HEATR5B: variants seen among roughly 807,000 people sequenced by gnomAD.
The protein encoded by HEATR5B is HEAT repeat containing 5B, also known as HEAT repeat-containing protein 5B.
Under a neutral mutation model 224.1 loss-of-function variants are expected in HEATR5B, and 156 were observed. The ratio of observed to expected loss-of-function variants is 0.70; its 90% CI spans 0.61 to 0.80. The LOEUF is 0.80. Among genes scored for constraint, HEATR5B ranks in the 30% least tolerant of loss-of-function variants. HEATR5B has a pLI of 0.00. For missense variants in HEATR5B, 2,323 were observed against 2,535.5 expected, an observed-to-expected ratio of 0.92 and a Z score of 1.80; for synonymous variants, 1,027 against 893.0, an observed-to-expected ratio of 1.15 and a Z score of -2.68.
At chr2:37,056,767 T>C in intron 15 of HEATR5B, 152 bp from the exon 16 acceptor site, 1 of 618,736 alleles carries the variant, frequency 1.6e-6, no homozygotes, top group Non-Finnish European at 2.7e-6. Context: ...GACCAAAATG[T>C]AATTTGGTCA....
At chr2:37,077,151 A>C in intron 3 of HEATR5B, 132 bp from the exon 4 acceptor site, 1 of 679,400 alleles carries the variant, frequency 1.5e-6, no homozygotes. Flanking sequence ...ACTATCAAAA[A>C]CAATTTATGC....
intron 17 of HEATR5B, among the ~76,000 whole-genome samples, chr2:37,050,652 T>C (rs932825749): frequency 1.3e-5 from 2 of 152,226 alleles, no homozygotes; most frequent in African/African-American, 4.8e-5. Flanking sequence ...GGAAGAGTAT[T>C]TCATACTCTT....
intron 18 of HEATR5B, among the ~76,000 whole-genome samples, chr2:37,048,009 G>T (rs1466897080): frequency 6.6e-6 from 1 of 151,866 alleles, no homozygotes; most frequent in Non-Finnish European, 1.5e-5. Flanking sequence ...TGAAAAAATG[G>T]GTAACAAAAT....
At chr2:36,989,536 T>C (rs1220151241) in intron 34 of HEATR5B, among the ~76,000 whole-genome samples, 2 of 152,194 alleles carry the variant, frequency 1.3e-5, no homozygotes, top group East Asian at 3.8e-4. Context: ...GAAACAAAGC[T>C]ATAAAAATAC....
At chr2:37,077,509 C>G (rs769017514) in intron 3 of HEATR5B, among the ~76,000 whole-genome samples, 1 of 152,114 alleles carries the variant, frequency 6.6e-6, no homozygotes, top group Admixed American at 6.5e-5. Context: ...GGTTTCACCA[C>G]GTTAGCCAGG....
At chr2:37,066,876 A>G (rs1261468351) in intron 8 of HEATR5B, among the ~76,000 whole-genome samples, 1 of 148,690 alleles carries the variant, frequency 6.7e-6, no homozygotes, top group Non-Finnish European at 1.5e-5. Flanking sequence ...CTATAATTAA[A>G]TTTTTTTTTT....
At chr2:37,083,606 AC>A (rs749563691) in intron 1 of HEATR5B, among the ~76,000 whole-genome samples, 170 bp from the exon 2 acceptor site, 32 of 152,218 alleles carry the variant, frequency 2.1e-4, no homozygotes, top group Admixed American at 7.2e-4. Context: ...AAAAATACAA[AC>A]AAAAACAGAA....
intron 17 of HEATR5B, among the ~76,000 whole-genome samples, chr2:37,051,809 G>A (rs1446311937): frequency 4.0e-5 from 6 of 151,598 alleles, no homozygotes; most frequent in Admixed American, 1.3e-4. Flanking sequence ...GCATGATCTC[G>A]GCTCATTGCA....
chr2:37,075,501 C>A lies in HEATR5B; in HGVS notation c.581G>T (p.Arg194Leu). 1 of 1,612,826 alleles carries A rather than the reference C, an allele frequency of 6.2e-7. No individual in the cohort carries two copies. Among genetic ancestry groups the A allele is most frequent in the South Asian group, 1.1e-5 (1 of 90,920 alleles). Residue 194 changes from arginine (R) to leucine (L), a missense_variant, in exon 5 of 36, where the codon CGA becomes CTA. Around this residue, in one of 12 missense-constraint regions of HEATR5B, gnomAD observed 292 missense variants for 332.6 expected, o/e 0.88. Coordinates refer to ENST00000233099, the MANE Select transcript of HEATR5B (RefSeq NM_019024.3). Reference protein sequence around the residue: ...SLLTDRSMAVRCAVAKCLLEL... With the variant: ...SLLTDRSMAVLCAVAKCLLEL... ...AGTACTAACCTTGGCCACTGCACAT[C>A]GAACAGCCATTGACCTATCAGTCAA...
chr2:37,081,169 A>G (rs1672540748), intron 2 of HEATR5B, among the ~76,000 whole-genome samples: 1 of 152,186 alleles, frequency 6.6e-6, no homozygotes, highest in Non-Finnish European at 1.5e-5. Context: ...CCAGTTGTAG[A>G]GGATTTAAGA....
intron 18 of HEATR5B, among the ~76,000 whole-genome samples, chr2:37,044,324 A>T (rs1276585997): frequency 1.3e-5 from 2 of 152,182 alleles, no homozygotes; most frequent in African/African-American, 2.4e-5. Flanking sequence ...TTCTATCATT[A>T]TAGTTTACCT....
intron 2 of HEATR5B, among the ~76,000 whole-genome samples, chr2:37,081,672 G>A (rs953397097): frequency 9.9e-5 from 15 of 152,154 alleles, no homozygotes; most frequent in Non-Finnish European, 2.1e-4. Context: ...GAAGCAGACT[G>A]AAAGTTTATT....
chr2:37,038,681 T>C (rs895684252), intron 20 of HEATR5B, among the ~76,000 whole-genome samples: 2 of 152,136 alleles, frequency 1.3e-5, no homozygotes, highest in African/African-American at 4.8e-5. Context: ...TCACCTGTTT[T>C]TCCCTATAAT....
chr2:36,988,363 A>G (rs1666087902), intron 35 of HEATR5B, among the ~76,000 whole-genome samples: 2 of 151,940 alleles, frequency 1.3e-5, no homozygotes, highest in Admixed American at 1.3e-4. Context: ...CCCGGGTCCA[A>G]GTGATTCTCC....
At chr2:36,984,215 A>AAAAAAAAAAAAAAAAAAAAAAAAAAAT in intron 35 of HEATR5B, among the ~76,000 whole-genome samples, 1 of 77,640 alleles carries the variant, frequency 1.3e-5, no homozygotes, top group Non-Finnish European at 2.3e-5. Flanking sequence ...AAAAAAAAAA[A>AAAAAAAAAAAAAAAAAAAAAAAAAAAT]ATATATATAT....
Position 36,988,805 on chromosome 2 carries a change from C to A in HEATR5B, c.5752G>T (p.Ala1918Ser). Residue 1918 changes from alanine (A) to serine (S), a missense_variant, in exon 35 of 36, where the codon GCC (alanine) becomes TCC (serine). Ala to Ser is a moderately conservative substitution (Grantham distance 99). Coordinates refer to ENST00000233099, the MANE Select transcript of HEATR5B (RefSeq NM_019024.3). ...LLSVFQHSNR[A>S]LSTPYIHSLA... is the part of the protein sequence containing the mutation. ...GAATGAATATAAGGAGTTGAAAGGG[C>A]ACGATTGGAATGCTGGAAGACTGAG... 4.3e-6 allele frequency: 7 copies of A among 1,614,034 alleles called. No homozygotes were observed. The highest frequency in any genetic ancestry group is 5.9e-6 in the Non-Finnish European group (7 of 1,180,000).
At chr2:37,017,213 C>T (rs894945965) in intron 26 of HEATR5B, among the ~76,000 whole-genome samples, 6 of 152,128 alleles carry the variant, frequency 3.9e-5, no homozygotes, top group African/African-American at 9.7e-5. Flanking sequence ...GGTGAAACCC[C>T]GTCTCTACCA....
chr2:37,040,583 C>G, intron 19 of HEATR5B, 65 bp from the exon 20 acceptor site: 1 of 1,239,436 alleles, frequency 8.1e-7, no homozygotes, highest in East Asian at 2.5e-5. Flanking sequence ...ATTGAGTATA[C>G]TGAATTGTTA....
At chr2:37,020,397 G>A (rs990774217) in intron 25 of HEATR5B, among the ~76,000 whole-genome samples, 2 of 152,144 alleles carry the variant, frequency 1.3e-5, no homozygotes, top group Non-Finnish European at 2.9e-5. Flanking sequence ...CACAAGACTG[G>A]AAAGCTGAGC....
Sources: allele counts gnomAD v4.1 joint callset (sites outside exome capture counted in the v4.1 genomes callset), GRCh38; gene constraint gnomAD v4.1.1; regional missense constraint gnomAD v4.1.1; transcripts MANE v1.5; gene names NCBI Gene and HGNC (gene_info 2026-07-23, HGNC 2026-07-21).